Variants in ATP8B1 observed in about 807,000 individuals in gnomAD.
ATP8B1 encodes phospholipid-transporting ATPase IC.
A neutral mutation model predicts 149.9 loss-of-function variants in ATP8B1; 80 were observed. The observed-to-expected ratio is 0.53, with a 90% confidence interval of 0.45 to 0.64. The LOEUF is 0.64. Among genes scored for constraint, ATP8B1 ranks in the 30% least tolerant of loss-of-function variants. The probability of loss-of-function intolerance (pLI) is 0.00; values close to 1 mark genes in which losing one functional copy is unlikely to be tolerated. For missense variants in ATP8B1, 1,247 were observed against 1,552.6 expected (o/e 0.80, Z 3.31); for synonymous variants, 536 against 562.8 (o/e 0.95, Z 0.67).
chr18:57,779,475 A>T (rs2080338979), intron 1 of ATP8B1, among the ~76,000 whole-genome samples: 1 of 152,224 alleles, frequency 6.6e-6, no homozygotes, highest in African/African-American at 2.4e-5. Context: ...AATAAAATGT[A>T]AAATTAACCT....
intron 1 of ATP8B1, among the ~76,000 whole-genome samples, chr18:57,753,941 AAAAAAAAGAAAGAAAGAAAAG>A: frequency 2.1e-5 from 1 of 48,284 alleles, no homozygotes; most frequent in Non-Finnish European, 3.8e-5. Context: ...CAAAAAAAAA[AAAAAAAAGAAAGAAAGAAAAG>A]AAAAAAAAAA....
At chr18:57,782,119 A>G (rs2080362305) in intron 1 of ATP8B1, among the ~76,000 whole-genome samples, 1 of 152,272 alleles carries the variant, frequency 6.6e-6, no homozygotes, top group African/African-American at 2.4e-5. Flanking sequence ...CCTCTGCCAT[A>G]GGGCAGAAAG....
intron 1 of ATP8B1, among the ~76,000 whole-genome samples, chr18:57,741,806 ATCT>A (rs1437508424): frequency 1.3e-5 from 2 of 152,094 alleles, no homozygotes; most frequent in Non-Finnish European, 2.9e-5. Context: ...GGTAGCAGAA[ATCT>A]TCTCTATTTT....
intron 3 of ATP8B1, 55 bp downstream of exon 3, chr18:57,706,435 G>A: frequency 1.4e-6 from 2 of 1,447,404 alleles, no homozygotes; most frequent in South Asian, 2.3e-5. Flanking sequence ...AAGCATGCCA[G>A]CTACTGGAAA....
chr18:57,660,019 C>A (rs1041486921), intron 22 of ATP8B1, among the ~76,000 whole-genome samples: 3 of 152,122 alleles, frequency 2.0e-5, no homozygotes, highest in African/African-American at 7.2e-5. Context: ...AAAACTGAAA[C>A]CTGAGCATAA....
In ATP8B1 at chr18:57,802,232, C is replaced by T. The variant is rs563891243; in HGVS notation, c.-26+766G>A. Among the ~76,000 whole-genome samples, 64 of 152,242 alleles carry T rather than the reference C, an allele frequency of 4.2e-4. No homozygotes were observed. The highest frequency in any genetic ancestry group is 1.5e-3 in the African/African-American group (62 of 41,546). On this transcript the variant is annotated intron_variant, in intron 1 of 27. Transcript: ENST00000648908. This position sits in a 1 kb window ranked among gnomAD's most constrained non-coding sequence, Gnocchi z 4.9. The stretch of plus-strand genomic sequence containing the variant: ...CCATTCTCTGCAACATCTCCCCGCG[C>T]CCCCCAACAAGTTGCCCCTCCTCGT...
chr18:57,686,344 T>G (rs1297486799), intron 13 of ATP8B1, among the ~76,000 whole-genome samples: 1 of 152,030 alleles, frequency 6.6e-6, no homozygotes, highest in East Asian at 1.9e-4. Context: ...ATTTTTTGTT[T>G]GATTTTTTTG....
chr18:57,652,413 A>ATG (rs1270610231), intron 25 of ATP8B1, 71 bp downstream of exon 25: 1 of 1,596,270 alleles, frequency 6.3e-7, no homozygotes, highest in Non-Finnish European at 8.6e-7. Context: ...GTGGATGTGC[A>ATG]TGCCACCCTA....
At chr18:57,652,446 C>T in intron 25 of ATP8B1, 38 bp downstream of exon 25, 1 of 1,613,514 alleles carries the variant, frequency 6.2e-7, no homozygotes, top group South Asian at 1.1e-5. Flanking sequence ...TAAGTAGGTA[C>T]CAATAGACAC....
chr18:57,671,609 A>G (rs754522973), intron 16 of ATP8B1, 29 bp from the exon 17 acceptor site: 7 of 1,493,790 alleles, frequency 4.7e-6, no homozygotes, highest in Non-Finnish European at 6.5e-6. Context: ...AATAAACACA[A>G]CAAAGTTTGA....
chr18:57,791,346 C>CTTTTTTTTTTTT (rs1473257768), intron 1 of ATP8B1, among the ~76,000 whole-genome samples: 5 of 124,966 alleles, frequency 4.0e-5, no homozygotes, highest in African/African-American at 1.4e-4. Flanking sequence ...TTTTTCTTTT[C>CTTTTTTTTTTTT]TTTTCTTTTT....
chr18:57,779,489 A>G (rs2080339079), intron 1 of ATP8B1, among the ~76,000 whole-genome samples: 1 of 152,278 alleles, frequency 6.6e-6, no homozygotes, highest in African/African-American at 2.4e-5. Flanking sequence ...TTAACCTTTG[A>G]AATCCAAAGT....
At chr18:57,798,325 C>T (rs1343222230) in intron 1 of ATP8B1, among the ~76,000 whole-genome samples, 18 of 151,406 alleles carry the variant, frequency 1.2e-4, no homozygotes. Flanking sequence ...CCTATAATCC[C>T]AGCATATTGG....
intron 15 of ATP8B1, among the ~76,000 whole-genome samples, chr18:57,675,295 C>T (rs1446215584): frequency 2.6e-5 from 4 of 152,192 alleles, no homozygotes; most frequent in Non-Finnish European, 5.9e-5. Context: ...GGAGAAACAA[C>T]AGGTGTTGAC....
intron 1 of ATP8B1, among the ~76,000 whole-genome samples, chr18:57,768,638 T>TA (rs2123363627): frequency 6.6e-6 from 1 of 151,866 alleles, no homozygotes; most frequent in East Asian, 1.9e-4. Flanking sequence ...TTGTGTATTT[T>TA]ACCAAAGTCA....
chr18:57,657,019 G>T (rs1910051540), intron 22 of ATP8B1, among the ~76,000 whole-genome samples: 1 of 151,980 alleles, frequency 6.6e-6, no homozygotes, highest in African/African-American at 2.4e-5. Context: ...CAGGATACCT[G>T]TGCAGAACGT....
intron 16 of ATP8B1, among the ~76,000 whole-genome samples, chr18:57,674,111 A>G (rs191130664): frequency 6.6e-6 from 1 of 151,858 alleles, no homozygotes; most frequent in Non-Finnish European, 1.5e-5. Context: ...TGGTTAAAGA[A>G]TGTCAGCAGC....
At chr18:57,780,124 G>A (rs534874926) in intron 1 of ATP8B1, among the ~76,000 whole-genome samples, 3 of 152,186 alleles carry the variant, frequency 2.0e-5, no homozygotes, top group Admixed American at 6.5e-5. Flanking sequence ...GTCTGTCTGT[G>A]TAAAATTGTT....
At chr18:57,685,150 A>T (rs374315351) in intron 13 of ATP8B1, 35 bp from the exon 14 acceptor site, 2 of 1,611,718 alleles carry the variant, frequency 1.2e-6, no homozygotes, top group African/African-American at 2.7e-5. Flanking sequence ...AATTGATTCT[A>T]CACCTATGTC....
Sources: gnomAD v4.1 joint callset for allele counts (sites outside exome capture counted in the v4.1 genomes callset) on GRCh38, gnomAD v4.1.1 for gene constraint, Gnocchi (gnomAD v3.1) non-coding constraint, MANE v1.5 for transcripts, NCBI Gene and HGNC (gene_info 2026-07-23, HGNC 2026-07-21) for gene names.